The following RGS22 variants were observed in gnomAD, a reference collection of about 807,000 sequenced individuals.
RGS22 encodes the protein regulator of G-protein signaling 22.
In RGS22, 148 loss-of-function variants were observed where a neutral mutation model predicts 172.9. That is an observed-to-expected ratio of 0.86 (90% CI 0.75 to 0.98). The LOEUF (loss-of-function observed/expected upper bound fraction) is 0.98. RGS22 is among the 50% of genes least tolerant of loss of function. The pLI, the probability that RGS22 is intolerant of heterozygous loss-of-function variation, is 0.00. For missense variants in RGS22, 1,347 were observed against 1,440.8 expected, an observed-to-expected ratio of 0.93 and a Z score of 1.05; for synonymous variants, 458 against 480.2, an observed-to-expected ratio of 0.95 and a Z score of 0.60.
chr8:99,972,556 G>GA (rs1259772509), intron 23 of RGS22, among the ~76,000 whole-genome samples: 3 of 151,886 alleles, frequency 2.0e-5, no homozygotes, highest in Non-Finnish European at 4.4e-5. Context: ...AATTTACAGG[G>GA]AAAAAACAAG....
At chr8:100,043,113 G>C (rs575064064) in intron 11 of RGS22, among the ~76,000 whole-genome samples, 1 of 152,300 alleles carries the variant, frequency 6.6e-6, no homozygotes, top group African/African-American at 2.4e-5. Context: ...CCTATTATCG[G>C]ATTTCTTGTT....
At chr8:100,016,754 G>A (rs539920674) in intron 14 of RGS22, among the ~76,000 whole-genome samples, 28 of 152,122 alleles carry the variant, frequency 1.8e-4, no homozygotes, top group African/African-American at 6.3e-4. Context: ...TCCAGCCTGG[G>A]CGACAGAGCA....
At chr8:100,017,725 CTT>C (rs890908241) in intron 14 of RGS22, among the ~76,000 whole-genome samples, 2 of 152,076 alleles carry the variant, frequency 1.3e-5, no homozygotes, top group Admixed American at 1.3e-4. Flanking sequence ...TATAAATTGA[CTT>C]TAAGATGAAA....
At position 100,098,753 on chromosome 8, in the gene RGS22, GTC is replaced by G. The variant is rs1038213547; in HGVS notation, c.55-5246_55-5245del. On this transcript the variant is annotated intron_variant, in intron 2 of 27. Coordinates refer to ENST00000360863, the MANE Select transcript of RGS22 (RefSeq NM_015668.5). ...TTTTCTCTTCCCTTTCCTTCTCTCTGTCTCTCTCTCTCTCAACAAGTACCCAA... is the reference window on the plus strand; with the variant it reads ...TTTTCTCTTCCCTTTCCTTCTCTCTGTCTCTCTCTCTCAACAAGTACCCAA... Among the ~76,000 whole-genome samples the G allele has an allele frequency of 6.7e-5, 10 of 149,756 alleles. No individual in the cohort carries two copies. The South Asian group carries it at 1.5e-3, about 22-fold the overall frequency.
At chr8:99,976,384 C>G (rs201083327) in intron 23 of RGS22, among the ~76,000 whole-genome samples, 8 of 151,818 alleles carry the variant, frequency 5.3e-5, no homozygotes, top group African/African-American at 7.3e-5. Context: ...GTTTTTGAGA[C>G]GGAGTCTTGC....
chr8:100,103,417 A>G (rs1813658913), intron 2 of RGS22, among the ~76,000 whole-genome samples: 1 of 152,204 alleles, frequency 6.6e-6, no homozygotes, highest in African/African-American at 2.4e-5. Context: ...AGAAAAGGGA[A>G]GAAAGTCTTT....
At chr8:99,976,507 A>G (rs528067160) in intron 23 of RGS22, among the ~76,000 whole-genome samples, 5 of 151,870 alleles carry the variant, frequency 3.3e-5, no homozygotes, top group African/African-American at 9.7e-5. Flanking sequence ...GACTACAGGC[A>G]CCTGCCACCA....
At chr8:100,061,221 G>A (rs1810111100) in intron 9 of RGS22, among the ~76,000 whole-genome samples, 1 of 152,124 alleles carries the variant, frequency 6.6e-6, no homozygotes, top group African/African-American at 2.4e-5. Context: ...AGACAACCTA[G>A]GCAATACCAT....
In RGS22 at chr8:100,003,916, T is replaced by A. The variant is rs1228074937; in HGVS notation, c.2627+10A>T. On this transcript the variant is annotated intron_variant, in intron 17 of 27. Coordinates refer to ENST00000360863, the MANE Select transcript of RGS22 (RefSeq NM_015668.5). ...GTTTTCAGTGAGAAATATATGGTTA[T>A]GTCCCTCACCTTGAAGAATGAGTCT... The A allele has an allele frequency of 1.3e-6, 2 of 1,594,804 alleles. No homozygotes were observed. Among genetic ancestry groups the A allele is most frequent in the African/African-American group, 2.7e-5 (2 of 74,252 alleles).
intron 14 of RGS22, among the ~76,000 whole-genome samples, chr8:100,036,635 G>T (rs546415567): frequency 6.6e-6 from 1 of 152,230 alleles, no homozygotes; most frequent in African/African-American, 2.4e-5. Flanking sequence ...GTCTTGTTCT[G>T]CCACCCAGAC....
chr8:100,002,377 CA>C lies in RGS22; in HGVS notation c.2628-14del, dbSNP rs1563599796. 6.3e-7 allele frequency: 1 copy of C among 1,590,136 alleles called. No homozygotes were observed. Among genetic ancestry groups the C allele is most frequent in the Non-Finnish European group, 8.5e-7 (1 of 1,173,518 alleles). ...CATAAGATCCATGCTAAAATGAAAA[CA>C]AAAACAATGTATAGCTCTTCATATT... On this transcript the variant is annotated splice_polypyrimidine_tract_variant and intron_variant, in intron 17 of 27. Transcript: ENST00000360863.
chr8:99,998,258 C>A (rs1377104973), intron 19 of RGS22, among the ~76,000 whole-genome samples: 1 of 152,148 alleles, frequency 6.6e-6, no homozygotes, highest in Non-Finnish European at 1.5e-5. Context: ...GTGCCAGGCA[C>A]CATTCTAAGA....
chr8:100,051,052 T>C (rs554955694), intron 10 of RGS22, among the ~76,000 whole-genome samples: 6 of 151,718 alleles, frequency 4.0e-5, no homozygotes, highest in African/African-American at 9.7e-5. Flanking sequence ...AGTGTGCTTA[T>C]ATAGAAATAA....
chr8:100,000,616 C>T (rs1412768392), intron 18 of RGS22, among the ~76,000 whole-genome samples: 1 of 152,194 alleles, frequency 6.6e-6, no homozygotes, highest in Non-Finnish European at 1.5e-5. Context: ...GACTTAGATT[C>T]TCAGCATGTT....
chr8:100,075,455 A>G (rs76658384), intron 4 of RGS22, among the ~76,000 whole-genome samples: 6,018 of 152,308 alleles, frequency 0.04, 411 homozygotes, highest in African/African-American at 0.14. Flanking sequence ...TGCTAGTGCC[A>G]TGCTTCTTAT....
At chr8:100,025,973 C>T (rs571328303) in intron 14 of RGS22, among the ~76,000 whole-genome samples, 3 of 152,028 alleles carry the variant, frequency 2.0e-5, no homozygotes, top group South Asian at 2.1e-4. Flanking sequence ...GGGAGCTGCA[C>T]CTGTGCTTTG....
chr8:99,976,519 G>A (rs1006541069), intron 23 of RGS22, among the ~76,000 whole-genome samples: 6 of 151,924 alleles, frequency 3.9e-5, no homozygotes, highest in Non-Finnish European at 5.9e-5. Flanking sequence ...CTGCCACCAC[G>A]CCCGGCTAAT....
chr8:100,071,946 C>T lies in RGS22; in HGVS notation c.425+199G>A, dbSNP rs528109278. On this transcript the variant is annotated intron_variant, in intron 5 of 27. Coordinates refer to ENST00000360863, the MANE Select transcript of RGS22 (RefSeq NM_015668.5). ...GTTGGAGAGGCTCACGCCTGTAATC[C>T]CAGGTTTTGGGAGGCCAAGGCAGGA... Among the ~76,000 whole-genome samples the T allele has an allele frequency of 3.3e-5, 5 of 152,230 alleles. No individual in the cohort carries two copies. The South Asian group carries it at 8.3e-4, about 25-fold the overall frequency.
chr8:99,993,638 A>G (rs1227237049), intron 20 of RGS22, among the ~76,000 whole-genome samples: 1 of 152,186 alleles, frequency 6.6e-6, no homozygotes, highest in African/African-American at 2.4e-5. Context: ...CTACCAACCA[A>G]AAAAAGTCCA....
Sources: allele counts gnomAD v4.1 joint callset (sites outside exome capture counted in the v4.1 genomes callset), GRCh38; gene constraint gnomAD v4.1.1; transcripts MANE v1.5; gene names NCBI Gene and HGNC (gene_info 2026-07-23, HGNC 2026-07-21).